The following MRAS variants were observed in gnomAD, a reference collection of about 807,000 sequenced individuals.
The protein encoded by MRAS is ras-related protein M-Ras.
MRAS carries 4 observed loss-of-function variants against 20.9 expected under a neutral mutation model. That is an observed-to-expected ratio of 0.19 (90% CI 0.09 to 0.44). MRAS has a LOEUF of 0.44. MRAS is among the 20% of genes least tolerant of loss of function. The probability of loss-of-function intolerance (pLI) is 0.99; values close to 1 mark genes in which losing one functional copy is unlikely to be tolerated. For synonymous variants in MRAS, 98 were observed against 102.9 expected (o/e 0.95, Z 0.29); for missense variants, 154 against 277.5 (o/e 0.56, Z 3.16).
At chr3:138,400,285 A>C in intron 4 of MRAS, 1 of 435,050 alleles carries the variant, frequency 2.3e-6, no homozygotes, top group Non-Finnish European at 4.1e-6. Flanking sequence ...ACTTTATTCT[A>C]TTTTTAGGGA....
intron 2 of MRAS, among the ~76,000 whole-genome samples, chr3:138,373,404 A>G (rs1294293041): frequency 2.0e-5 from 3 of 152,214 alleles, no homozygotes; most frequent in Non-Finnish European, 4.4e-5. Context: ...TAAAAAAGGG[A>G]AAAGCAAGTT....
intron 2 of MRAS, among the ~76,000 whole-genome samples, chr3:138,391,005 G>A (rs574420802): frequency 3.3e-5 from 5 of 152,152 alleles, no homozygotes; most frequent in Admixed American, 6.5e-5. Flanking sequence ...CATTCCAAAT[G>A]CTTGTCTTTT....
chr3:138,379,560 C>T (rs1231113405), intron 2 of MRAS, among the ~76,000 whole-genome samples: 1 of 152,040 alleles, frequency 6.6e-6, no homozygotes, highest in African/African-American at 2.4e-5. Context: ...GTTTCACCAT[C>T]TTGGCTAGGT....
At chr3:138,352,433 G>A (rs998073044) in intron 1 of MRAS, among the ~76,000 whole-genome samples, 3 of 152,052 alleles carry the variant, frequency 2.0e-5, no homozygotes, top group African/African-American at 7.2e-5. Context: ...TGTGTATTTT[G>A]CTTCTTTTTG....
chr3:138,355,421 G>C (rs2054311675), intron 1 of MRAS, among the ~76,000 whole-genome samples: 1 of 152,226 alleles, frequency 6.6e-6, no homozygotes, highest in South Asian at 2.1e-4. Context: ...TTAGAACAGT[G>C]AGTAAAGCTC....
chr3:138,364,198 G>GAGGT (rs1211160611), intron 1 of MRAS, among the ~76,000 whole-genome samples: 1 of 152,176 alleles, frequency 6.6e-6, no homozygotes, highest in African/African-American at 2.4e-5. Context: ...CGAGAAGGGA[G>GAGGT]AGGTAGGAGG....
intron 1 of MRAS, among the ~76,000 whole-genome samples, chr3:138,358,072 C>A (rs543855305): frequency 6.6e-6 from 1 of 152,160 alleles, no homozygotes; most frequent in African/African-American, 2.4e-5. Context: ...TGGTGGCTCA[C>A]GCCTGTAATC....
At chr3:138,399,563 G>A (rs1055095258) in intron 4 of MRAS, among the ~76,000 whole-genome samples, 2 of 152,092 alleles carry the variant, frequency 1.3e-5, no homozygotes, top group African/African-American at 4.8e-5. Flanking sequence ...CATTTCAAGT[G>A]TTGATTATTT....
At chr3:138,355,909 G>A (rs1016103742) in intron 1 of MRAS, among the ~76,000 whole-genome samples, 4 of 152,150 alleles carry the variant, frequency 2.6e-5, no homozygotes, top group Middle Eastern at 3.2e-3. Flanking sequence ...TCAGCCTGGC[G>A]ACAGAGAGAC....
At position 138,374,358 on chromosome 3, in the gene MRAS, G is replaced by T. The variant is rs202243834; in HGVS notation, c.193+1282G>T. 2.6e-5 allele frequency among the ~76,000 whole-genome samples: 4 copies of T among 152,044 alleles called. No homozygotes were observed. The East Asian group carries it at 7.7e-4, about 29-fold the overall frequency. The stretch of plus-strand genomic sequence containing the variant: ...ATGCTACCGTAAATTATTATTTTTG[G>T]TTTTTTATTTCAATTTTCAGTTGTT... On this transcript the variant is annotated intron_variant, in intron 2 of 5. Coordinates refer to ENST00000423968, the MANE Select transcript of MRAS (RefSeq NM_001085049.3).
At chr3:138,371,014 T>A (rs541402223) in intron 1 of MRAS, among the ~76,000 whole-genome samples, 1 of 152,332 alleles carries the variant, frequency 6.6e-6, no homozygotes, top group South Asian at 2.1e-4. Flanking sequence ...AACTTTAACT[T>A]TTCCCCCCAA....
rs16848033 is a variant in MRAS, at chr3:138,373,060, A to G, written c.177A>G (p.Gln59=). ...TGAAACATACGGAGATTGACAATCA[A>G]TGGGCCATCTTGGACGGTGAGACCT... ...SYLKHTEIDN[Q]WAILDVLDTA... The change falls in exon 2 of 6, where the codon CAA becomes CAG. Residue 59 remains glutamine (Q), a synonymous_variant. Transcript: ENST00000423968. 4.9e-3 allele frequency: 7,363 copies of G among 1,497,356 alleles called. 289 individuals are homozygous for G. The African/African-American group carries it at 0.088, about 18-fold the overall frequency. The allele number at this position is 1,497,356 out of a possible 1,614,324, so 92.8% of individuals were successfully genotyped here.
intron 2 of MRAS, among the ~76,000 whole-genome samples, chr3:138,388,229 C>G (rs2055057538): frequency 6.6e-6 from 1 of 152,216 alleles, no homozygotes; most frequent in South Asian, 2.1e-4. Context: ...ACCCATTACC[C>G]AGAAAGGGGA....
At chr3:138,383,913 T>A (rs1158647148) in intron 2 of MRAS, among the ~76,000 whole-genome samples, 1 of 152,150 alleles carries the variant, frequency 6.6e-6, no homozygotes, top group Non-Finnish European at 1.5e-5. Flanking sequence ...CGGTCTTGTG[T>A]TGGCTGGTCA....
At chr3:138,391,695 CTTTTAAAAATAAAAA>C (rs2055135381) in intron 2 of MRAS, among the ~76,000 whole-genome samples, 1 of 152,150 alleles carries the variant, frequency 6.6e-6, no homozygotes, top group African/African-American at 2.4e-5. Context: ...ATTCCAGAAT[CTTTTAAAAATAAAAA>C]TTCCAAAACA....
Position 138,402,461 on chromosome 3 carries a change from T to G in MRAS, c.*192T>G, listed in dbSNP as rs973133424. The G allele has an allele frequency of 7.1e-5, 39 of 548,372 alleles. No individual in the cohort carries two copies. Among genetic ancestry groups the G allele is most frequent in the Non-Finnish European group, 1.2e-4 (37 of 310,756 alleles). The allele number at this position is 548,372 out of a possible 1,614,324, so 34.0% of individuals were successfully genotyped here. A position where few individuals can be genotyped will look rare whatever the true frequency, so the allele number is the denominator to read the frequency against. ...CAGAGGGCACGGGCTTTCCCACCTCTCAAAGAGACAAGGAAGCCACCTGTA... is the reference window on the plus strand; with the variant it reads ...CAGAGGGCACGGGCTTTCCCACCTCGCAAAGAGACAAGGAAGCCACCTGTA... On this transcript the variant is annotated 3_prime_UTR_variant, in exon 6 of 6. Transcript: ENST00000423968.
At chr3:138,389,787 G>A (rs991297716) in intron 2 of MRAS, among the ~76,000 whole-genome samples, 1 of 151,826 alleles carries the variant, frequency 6.6e-6, no homozygotes, top group African/African-American at 2.4e-5. Flanking sequence ...TGAGAGAGTG[G>A]GTGTGTATAA....
intron 1 of MRAS, among the ~76,000 whole-genome samples, chr3:138,352,138 G>A (rs1202481856): frequency 6.6e-6 from 1 of 152,246 alleles, no homozygotes; most frequent in Non-Finnish European, 1.5e-5. Flanking sequence ...GACAAAGAGG[G>A]CAGTGCTGGC....
At chr3:138,382,344 A>G (rs2054921646) in intron 2 of MRAS, among the ~76,000 whole-genome samples, 1 of 152,158 alleles carries the variant, frequency 6.6e-6, no homozygotes, top group African/African-American at 2.4e-5. Context: ...AGCAGTTACT[A>G]CCAACCAGAC....
Sources: allele counts gnomAD v4.1 joint callset (sites outside exome capture counted in the v4.1 genomes callset), GRCh38; gene constraint gnomAD v4.1.1; transcripts MANE v1.5; gene names NCBI Gene and HGNC (gene_info 2026-07-23, HGNC 2026-07-21).